Variants in PLCB2 observed in about 807,000 individuals in gnomAD.
The protein encoded by PLCB2 is 1-phosphatidylinositol 4,5-bisphosphate phosphodiesterase beta-2.
PLCB2 carries 115 observed loss-of-function variants against 141.7 expected under a neutral mutation model. That is an observed-to-expected ratio of 0.81 (90% CI 0.70 to 0.95). The LOEUF is 0.95. PLCB2 is among the 40% of genes least tolerant of loss of function. The probability of loss-of-function intolerance (pLI) is 0.00; values close to 1 mark genes in which losing one functional copy is unlikely to be tolerated. For synonymous variants in PLCB2, 603 were observed against 595.6 expected, an observed-to-expected ratio of 1.01 and a Z score of -0.18; for missense variants, 1,403 against 1,541.1, an observed-to-expected ratio of 0.91 and a Z score of 1.50.
chr15:40,302,672 CTCT>C (rs1317243604), intron 3 of PLCB2, 63 bp from the exon 4 acceptor site: 4 of 1,581,248 alleles, frequency 2.5e-6, no homozygotes, highest in Non-Finnish European at 2.6e-6. Flanking sequence ...GTGTGGCTCT[CTCT>C]GGCCCTCCCC....
chr15:40,291,149 G>A lies in PLCB2; in HGVS notation c.2905C>T (p.Pro969Ser). ...LPREESAGAA[P>S]GEGPEGVDGR... ...TCCACGCCCTCAGGGCCCTCGCCCG[G>A]CGCGGCTCCGGCGCTCTCCTCGCGG... Residue 969 changes from proline to serine, a missense_variant, in exon 27 of 32, where the codon CCG becomes TCG. This residue lies in a region of PLCB2 where 290 missense variants were observed against 245.9 expected (regional missense o/e 1.18). Coordinates refer to ENST00000260402, the MANE Select transcript of PLCB2 (RefSeq NM_004573.3). 1 of 1,570,878 alleles carries A rather than the reference G, an allele frequency of 6.4e-7. No individual in the cohort carries two copies.
In PLCB2 at chr15:40,293,623, C is replaced by G; in HGVS notation, c.2163G>C (p.Lys721Asn). 1 of 1,614,140 alleles carries G rather than the reference C, an allele frequency of 6.2e-7. No individual in the cohort carries two copies. The highest frequency in any genetic ancestry group is 8.5e-7 in the Non-Finnish European group (1 of 1,179,992). ...TGATGGAGTTAGTACTGGGTGACAG[C>G]TTAGTTCGATAGCGCCTCTTGGGGT... is the stretch of plus-strand genomic sequence containing the variant. ...PGDPKRRYRT[K>N]LSPSTNSINP... Residue 721 changes from lysine (K) to asparagine (N), a missense_variant, in exon 20 of 32, where the codon AAG becomes AAC. Physicochemically the swap from Lys to Asn is moderately conservative, Grantham distance 94. This residue lies in a region of PLCB2 where 975 missense variants were observed against 1,141.1 expected (regional missense o/e 0.85). Coordinates refer to ENST00000260402, the MANE Select transcript of PLCB2 (RefSeq NM_004573.3).
rs1166534876 is a variant in PLCB2, at chr15:40,297,082, G to T, written c.1324-174C>A. On this transcript the variant is annotated intron_variant, in intron 13 of 31. Coordinates refer to ENST00000260402, the MANE Select transcript of PLCB2 (RefSeq NM_004573.3). This position sits in a 1 kb window ranked among gnomAD's most constrained non-coding sequence, Gnocchi z 4.2. ...ATCCAGCTTATCCCTTGGAGTAAAT[G>T]CGGCTCATCTTGTGCTTGTTGTAGC... is the stretch of plus-strand genomic sequence containing the variant. Among the ~76,000 whole-genome samples, 2 of 152,126 alleles carry T rather than the reference G, an allele frequency of 1.3e-5. No individual in the cohort carries two copies. The highest frequency in any genetic ancestry group is 6.5e-5 in the Admixed American group (1 of 15,274).
In PLCB2 at chr15:40,291,650, GC is replaced by G. The variant is rs2039936880; in HGVS notation, c.2603-1del. On this transcript the variant is annotated splice_acceptor_variant, in intron 24 of 31. Coordinates refer to ENST00000260402, the MANE Select transcript of PLCB2 (RefSeq NM_004573.3). LOFTEE classifies it high-confidence loss of function. ...CTCTTCCCTGGCCCCGGCCCTGGCTGCTGCAAGAGCCACGGGCTGGGCTGTC... is the reference window on the plus strand; with the variant it reads ...CTCTTCCCTGGCCCCGGCCCTGGCTGTGCAAGAGCCACGGGCTGGGCTGTC... 4 of 1,613,042 alleles carry G rather than the reference GC, an allele frequency of 2.5e-6. No homozygotes were observed. The African/African-American group carries it at 5.3e-5, about 21-fold the overall frequency.
chr15:40,302,797 C>G lies in PLCB2; in HGVS notation c.232-188G>C, dbSNP rs370073711. ...CAGCGGCTGGGATGGGAAGGAGAGG[C>G]CCTGAGGAAAAGGTTAGCCAAGATG... On this transcript the variant is annotated intron_variant, in intron 3 of 31. Transcript: ENST00000260402. Among the ~76,000 whole-genome samples, 15 of 152,314 alleles carry G rather than the reference C, an allele frequency of 9.8e-5. No homozygotes were observed. In the East Asian group the frequency reaches 2.7e-3, roughly 28 times the overall value.
In PLCB2 at chr15:40,296,389, T is replaced by G. The variant is rs775946225; in HGVS notation, c.1603A>C (p.Thr535Pro). 1.1e-5 allele frequency: 18 copies of G among 1,613,780 alleles called. No homozygotes were observed. The highest frequency in any genetic ancestry group is 1.5e-5 in the Non-Finnish European group (18 of 1,179,872). Residue 535 changes from threonine to proline, a missense_variant, in exon 16 of 32, where the codon ACA becomes CCA. By Grantham distance (38) the Thr-to-Pro change is conservative. Transcript: ENST00000260402. ...TAAGCCGTCACTTCCAGGCCCGCTGTGCCCTAAGGAGAAGAGGGGAGGGCA... is the reference window on the plus strand; with the variant it reads ...TAAGCCGTCACTTCCAGGCCCGCTGGGCCCTAAGGAGAAGAGGGGAGGGCA... ...EIKKMQSDEGTAGLEVTAYEE... is the reference protein window; with the variant it reads ...EIKKMQSDEGPAGLEVTAYEE...
At chr15:40,301,872 C>T in intron 7 of PLCB2, 85 bp downstream of exon 7, 1 of 1,203,448 alleles carries the variant, frequency 8.3e-7, no homozygotes, top group Non-Finnish European at 1.2e-6. Flanking sequence ...GTCACCTCTG[C>T]TCCCCCACCC....
rs756404241 is a variant in PLCB2 at position 40,296,367 on chromosome 15, G to T, written c.1625C>A (p.Ala542Asp). 1 of 1,613,688 alleles carries T rather than the reference G, an allele frequency of 6.2e-7. No homozygotes were observed. Among genetic ancestry groups the T allele is most frequent in the African/African-American group, 1.3e-5 (1 of 74,900 alleles). The change falls in exon 16 of 32, where the codon GCT (alanine) becomes GAT (aspartate). Residue 542 changes from alanine to aspartate, a missense_variant. By Grantham distance (126) the Ala-to-Asp change is moderately radical. Around this residue, in one of 4 missense-constraint regions of PLCB2, gnomAD observed 975 missense variants for 1,141.1 expected, o/e 0.85. Transcript: ENST00000260402. ...DEGTAGLEVT[A>D]YEEMSSLVNY... ...GACTAGGCTGGACATCTCCTCATAAGCCGTCACTTCCAGGCCCGCTGTGCC... is the reference window on the plus strand; with the variant it reads ...GACTAGGCTGGACATCTCCTCATAATCCGTCACTTCCAGGCCCGCTGTGCC...
Position 40,302,179 on chromosome 15 carries a change from G to C in PLCB2, c.463C>G (p.Leu155Val). The change falls in exon 6 of 32, where the codon CTC (leucine) becomes GTC (valine). Residue 155 changes from leucine (L) to valine (V), a missense_variant. Leu to Val is a conservative substitution (Grantham distance 32). Coordinates refer to ENST00000260402, the MANE Select transcript of PLCB2 (RefSeq NM_004573.3). Reference protein sequence around the residue: ...STFLDKILVKLKMQLNSEGKI... With the variant: ...STFLDKILVKVKMQLNSEGKI... ...CCTTCAGAGTTGAGCTGCATCTTGA[G>C]CTTCACAAGGCTGGGGGCAGAAAGC... 6.2e-7 allele frequency: 1 copy of C among 1,612,294 alleles called. No individual in the cohort carries two copies. The highest frequency in any genetic ancestry group is 8.5e-7 in the Non-Finnish European group (1 of 1,178,806).
At position 40,290,850 on chromosome 15, in the gene PLCB2, G is replaced by A. The variant is rs1213137944; in HGVS notation, c.3037-13C>T. 6.3e-7 allele frequency: 1 copy of A among 1,596,434 alleles called. No homozygotes were observed. The highest frequency in any genetic ancestry group is 1.7e-5 in the Admixed American group (1 of 59,186). The stretch of plus-strand genomic sequence containing the variant: ...TTTTGGAGATTTGCTGCAGGGAGAG[G>A]AAGTAAGCTTGGCGAGAAGCCCTTT... On this transcript the variant is annotated splice_polypyrimidine_tract_variant and intron_variant, in intron 27 of 31. Coordinates refer to ENST00000260402, the MANE Select transcript of PLCB2 (RefSeq NM_004573.3).
rs948594934 is a variant in PLCB2 at position 40,288,161 on chromosome 15, G to A, written c.*554C>T. 4.5e-5 allele frequency: 44 copies of A among 985,518 alleles called. No individual in the cohort carries two copies. The Admixed American group carries it at 5.5e-4, about 12-fold the overall frequency. The allele number at this position is 985,518 out of a possible 1,614,324, so 61.0% of individuals were successfully genotyped here. A position where few individuals can be genotyped will look rare whatever the true frequency, so the allele number is the denominator to read the frequency against. On this transcript the variant is annotated 3_prime_UTR_variant, in exon 32 of 32. Coordinates refer to ENST00000260402, the MANE Select transcript of PLCB2 (RefSeq NM_004573.3). ...CTTTTCCATTTCAGCCTCCCGTTCC[G>A]GACAGGCAGAGGGGAGGGGAGGGCC...
chr15:40,303,761 GTC>G (rs2040647585), intron 2 of PLCB2: 59 of 521,252 alleles, frequency 1.1e-4, no homozygotes, highest in Non-Finnish European at 1.3e-4. Flanking sequence ...GCTTTCGCCT[GTC>G]TCTCTCTCTC....
At chr15:40,306,374 G>A (rs58115489) in intron 1 of PLCB2, among the ~76,000 whole-genome samples, 7 of 152,142 alleles carry the variant, frequency 4.6e-5, no homozygotes, top group African/African-American at 9.7e-5. Flanking sequence ...TGCCAGCTTA[G>A]GAAGAAGGAC....
chr15:40,292,010 A>T (rs2039963723), intron 23 of PLCB2, 54 bp downstream of exon 23: 1 of 1,606,502 alleles, frequency 6.2e-7, no homozygotes, highest in South Asian at 1.1e-5. Flanking sequence ...AGCCTCTCCC[A>T]TAAATAGGGC....
rs1264513741 is a variant in PLCB2, at chr15:40,295,277, G to A, written c.1705C>T (p.Arg569Ter). Residue 569 changes from arginine to a stop codon, truncating the protein, a stop_gained, in exon 17 of 32, where the codon CGA (arginine) becomes TGA (stop). Transcript: ENST00000260402. LOFTEE classifies it high-confidence loss of function. ...VSFEFSAQKN[R>*]SYVISSFTEL... ...GTGAAGGACGAGATGACATAACTTC[G>A]GTTCTTTTCTATATAGGGGAGAAAG... 1.1e-5 allele frequency: 17 copies of A among 1,612,004 alleles called. No homozygotes were observed. The highest frequency in any genetic ancestry group is 1.7e-4 in the Middle Eastern group (1 of 6,056).
rs1366183857 is a variant in PLCB2 at position 40,307,783 on chromosome 15, C to G, written c.-111G>C. 1.2e-5 allele frequency: 10 copies of G among 812,184 alleles called. No individual in the cohort carries two copies. The Middle Eastern group carries it at 1.3e-3, about 105-fold the overall frequency. The allele number at this position is 812,184 out of a possible 1,614,324, so 50.3% of individuals were successfully genotyped here. On this transcript the variant is annotated 5_prime_UTR_variant, in exon 1 of 32. Transcript: ENST00000260402. ...AGCTGGGCTCAAATGGCACCCATCC[C>G]CGAGCTGCTCCAGAAATCTAGTTGC...
intron 1 of PLCB2, among the ~76,000 whole-genome samples, chr15:40,304,781 A>G (rs1046469522): frequency 1.3e-5 from 2 of 152,018 alleles, no homozygotes; most frequent in Non-Finnish European, 2.9e-5. Context: ...TTGCTGAATG[A>G]GCAAATGAAT....
At chr15:40,285,686 C>T (rs757140673), downstream of PLCB2, 37 of 985,334 alleles carry the variant, frequency 3.8e-5, no homozygotes, top group Non-Finnish European at 4.5e-5. Context: ...CTCAACTTCT[C>T]TTTTCAGCAC....
chr15:40,302,220 A>G (rs1192866064), intron 5 of PLCB2, 31 bp from the exon 6 acceptor site: 2 of 1,613,648 alleles, frequency 1.2e-6, no homozygotes, highest in African/African-American at 2.7e-5. Context: ...GTCAAGGCCC[A>G]GGGCTGGCAT....
Sources: gnomAD v4.1 joint callset for allele counts (sites outside exome capture counted in the v4.1 genomes callset) on GRCh38, gnomAD v4.1.1 for gene constraint, gnomAD v4.1.1 regional missense constraint, Gnocchi (gnomAD v3.1) non-coding constraint, MANE v1.5 for transcripts, NCBI Gene and HGNC (gene_info 2026-07-23, HGNC 2026-07-21) for gene names.